AFAP1: variants seen among roughly 807,000 people sequenced by gnomAD.
AFAP1 encodes the protein actin filament-associated protein 1.
In AFAP1, 75 loss-of-function variants were observed where a neutral mutation model predicts 93.9. The ratio of observed to expected loss-of-function variants is 0.80; its 90% CI spans 0.66 to 0.97. The LOEUF (loss-of-function observed/expected upper bound fraction) is 0.97, where lower values mean the gene tolerates loss of function less well. Among genes scored for constraint, AFAP1 ranks in the 50% least tolerant of loss-of-function variants. The pLI is 0.00. For missense variants in AFAP1, 1,201 were observed against 1,050.8 expected, an observed-to-expected ratio of 1.14 and a Z score of -1.98; for synonymous variants, 517 against 430.7, an observed-to-expected ratio of 1.20 and a Z score of -2.48.
intron 3 of AFAP1, chr4:7,862,017 T>C (rs995428107): frequency 4.6e-5 from 7 of 152,284 alleles, no homozygotes; most frequent in African/African-American, 9.6e-5. Context: ...GATGGGAAGA[T>C]GGTAACGCCT....
chr4:7,900,261 T>TA (rs1321762509), intron 1 of AFAP1, among the ~76,000 whole-genome samples: 10 of 150,962 alleles, frequency 6.6e-5, no homozygotes, highest in Admixed American at 5.3e-4. Flanking sequence ...GACTGCCTGT[T>TA]ACAGAATAAA....
chr4:7,770,366 C>A (rs1406346299), intron 16 of AFAP1, among the ~76,000 whole-genome samples: 1 of 152,156 alleles, frequency 6.6e-6, no homozygotes, highest in Non-Finnish European at 1.5e-5. Flanking sequence ...GGAGTGAGGA[C>A]TAACATGTCC....
intron 6 of AFAP1, among the ~76,000 whole-genome samples, chr4:7,830,190 G>A (rs1343015200): frequency 1.3e-5 from 2 of 152,138 alleles, no homozygotes; most frequent in Non-Finnish European, 2.9e-5. Flanking sequence ...ATTGCTATTT[G>A]CTTGCCTATG....
chr4:7,899,006 TATATAA>T (rs1420467170), intron 1 of AFAP1, among the ~76,000 whole-genome samples: 1 of 137,700 alleles, frequency 7.3e-6, no homozygotes, highest in African/African-American at 2.5e-5. Context: ...CAAATGTATA[TATATAA>T]ATATATGTGT....
At chr4:7,863,999 C>A (rs77541477) in intron 3 of AFAP1, among the ~76,000 whole-genome samples, 1,183 of 80,552 alleles carry the variant, frequency 0.015, no homozygotes, top group African/African-American at 0.017. Flanking sequence ...ATCACAACAC[C>A]TTCCCAACTT....
chr4:7,770,348 G>A (rs979928485), intron 16 of AFAP1, among the ~76,000 whole-genome samples: 2 of 152,172 alleles, frequency 1.3e-5, no homozygotes, highest in South Asian at 2.1e-4. Flanking sequence ...GAAGGGCACC[G>A]GAACCGGGGA....
chr4:7,814,526 C>T (rs1185568395), intron 8 of AFAP1, among the ~76,000 whole-genome samples: 1 of 152,224 alleles, frequency 6.6e-6, no homozygotes, highest in Non-Finnish European at 1.5e-5. Flanking sequence ...CTCAAATGTT[C>T]TTCAAGAGGT....
At chr4:7,835,954 C>A (rs559498427) in intron 6 of AFAP1, among the ~76,000 whole-genome samples, 3 of 152,202 alleles carry the variant, frequency 2.0e-5, no homozygotes, top group Admixed American at 1.3e-4. Context: ...AGCGCTAACA[C>A]CCCCAAGTGT....
intron 12 of AFAP1, among the ~76,000 whole-genome samples, chr4:7,783,979 C>T (rs1209930347): frequency 6.6e-6 from 1 of 152,184 alleles, no homozygotes; most frequent in African/African-American, 2.4e-5. Flanking sequence ...TGTCAAGAGA[C>T]ACTGGGGTGA....
At chr4:7,852,908 A>G (rs2149136366) in intron 4 of AFAP1, among the ~76,000 whole-genome samples, 1 of 152,308 alleles carries the variant, frequency 6.6e-6, no homozygotes, top group Admixed American at 6.5e-5. Flanking sequence ...GCTCTAGAAG[A>G]GAATGGATGT....
At chr4:7,871,444 C>T (rs956287967) in intron 2 of AFAP1, among the ~76,000 whole-genome samples, 1 of 152,110 alleles carries the variant, frequency 6.6e-6, no homozygotes, top group Non-Finnish European at 1.5e-5. Context: ...GACACCGAGT[C>T]TCTGATGAGC....
intron 1 of AFAP1, among the ~76,000 whole-genome samples, chr4:7,907,002 CA>C (rs11288651): frequency 0.72 from 91,875 of 127,816 alleles, 31,314 homozygotes; most frequent in Middle Eastern, 0.79. Flanking sequence ...AACTCCACCT[CA>C]AAAAAAAAAA....
rs1380746522 is a variant in AFAP1 at position 7,761,027 on chromosome 4, C to T, written c.*2738G>A. ...TTCGTTATGAAATCAGACACACTCGCAGCTGCCACAGAGGCAAGGGGTGCT... is the reference window on the plus strand; with the variant it reads ...TTCGTTATGAAATCAGACACACTCGTAGCTGCCACAGAGGCAAGGGGTGCT... On this transcript the variant is annotated 3_prime_UTR_variant, in exon 18 of 18. Transcript: ENST00000420658. 6.6e-6 allele frequency: 1 copy of T among 152,266 alleles called. No homozygotes were observed. Among genetic ancestry groups the T allele is most frequent in the African/African-American group, 2.4e-5 (1 of 41,468 alleles). 9.4% of individuals were successfully genotyped at this position (152,266 alleles called of 1,614,324 possible). A position where few individuals can be genotyped will look rare whatever the true frequency, so the allele number is the denominator to read the frequency against.
chr4:7,816,566 T>G (rs1455808852), intron 7 of AFAP1, among the ~76,000 whole-genome samples: 2 of 152,072 alleles, frequency 1.3e-5, no homozygotes, highest in African/African-American at 4.8e-5. Context: ...GTACACAGAG[T>G]GAGGGCAAGG....
rs1311928968 is a variant in AFAP1 at position 7,760,885 on chromosome 4, A to G, written c.*2880T>C. 6.6e-6 allele frequency: 1 copy of G among 152,302 alleles called. No individual in the cohort carries two copies. Among genetic ancestry groups the G allele is most frequent in the East Asian group, 1.9e-4 (1 of 5,190 alleles). The allele number at this position is 152,302 out of a possible 1,614,324, so 9.4% of individuals were successfully genotyped here. A position where few individuals can be genotyped will look rare whatever the true frequency, so the allele number is the denominator to read the frequency against. On this transcript the variant is annotated 3_prime_UTR_variant, in exon 18 of 18. Transcript: ENST00000420658. ...CTCGCATTGCGGTCGGCACCGTAGT[A>G]CAGGTGGCTAGCCCCTGTGAACACG...
intron 4 of AFAP1, among the ~76,000 whole-genome samples, chr4:7,847,120 A>G (rs1408502910): frequency 6.6e-6 from 1 of 152,244 alleles, no homozygotes; most frequent in African/African-American, 2.4e-5. Flanking sequence ...CCGAGCACAA[A>G]GGATAATGAA....
At chr4:7,801,425 T>G (rs1232331772) in intron 9 of AFAP1, among the ~76,000 whole-genome samples, 1 of 151,080 alleles carries the variant, frequency 6.6e-6, no homozygotes, top group Non-Finnish European at 1.5e-5. Flanking sequence ...AAAATTATTA[T>G]CCTCATTTAA....
At chr4:7,937,042 C>T (rs1721428092) in intron 1 of AFAP1, among the ~76,000 whole-genome samples, 1 of 151,800 alleles carries the variant, frequency 6.6e-6, no homozygotes, top group Non-Finnish European at 1.5e-5. Flanking sequence ...CAAAATGCTC[C>T]TGAAAAAAAG....
At position 7,939,637 on chromosome 4, in the gene AFAP1, G is replaced by T. The variant is rs1356380357; in HGVS notation, c.-3+19C>A. 10 of 415,482 alleles carry T rather than the reference G, an allele frequency of 2.4e-5. No homozygotes were observed. In the East Asian group the frequency reaches 1.0e-3, roughly 43 times the overall value. 25.7% of individuals were successfully genotyped at this position (415,482 alleles called of 1,614,324 possible). ...CCCCGCCGGGTCCGGAGACCCTGCC[G>T]CCAGTCGCGCCGTCTCACCTCAGGC... On this transcript the variant is annotated intron_variant, in intron 1 of 17. Coordinates refer to ENST00000420658, the MANE Select transcript of AFAP1 (RefSeq NM_001134647.2). The surrounding 1 kb of genome is among the most constrained non-coding windows in gnomAD (Gnocchi z 5.6).
Sources: gnomAD v4.1 joint callset for allele counts (sites outside exome capture counted in the v4.1 genomes callset) on GRCh38, gnomAD v4.1.1 for gene constraint, Gnocchi (gnomAD v3.1) non-coding constraint, MANE v1.5 for transcripts, NCBI Gene and HGNC (gene_info 2026-07-23, HGNC 2026-07-21) for gene names.